Variants in TCERG1L observed in about 807,000 individuals in gnomAD.
The protein encoded by TCERG1L is transcription elongation regulator 1 like.
Under a neutral mutation model 56.3 loss-of-function variants are expected in TCERG1L, and 37 were observed. The observed-to-expected ratio is 0.66, with a 90% CI of 0.51 to 0.87. TCERG1L has a LOEUF of 0.87. Ranked by LOEUF, TCERG1L falls within the 40% of genes least tolerant of loss-of-function variation. The probability of loss-of-function intolerance (pLI) is 0.00; values close to 1 mark genes in which losing one functional copy is unlikely to be tolerated. For synonymous variants in TCERG1L, 324 were observed against 326.3 expected (o/e 0.99, Z 0.08); for missense variants, 799 against 774.2 (o/e 1.03, Z -0.38).
chr10:131,202,008 G>A (rs1427681614), intron 4 of TCERG1L, among the ~76,000 whole-genome samples: 3 of 152,190 alleles, frequency 2.0e-5, no homozygotes, highest in African/African-American at 4.8e-5. Context: ...ATGCGTTTCC[G>A]ATGACTGCTC....
chr10:131,219,289 CCT>C (rs1294149419), intron 4 of TCERG1L, among the ~76,000 whole-genome samples: 2 of 152,204 alleles, frequency 1.3e-5, no homozygotes, highest in Non-Finnish European at 2.9e-5. Flanking sequence ...GCCCCTGTCC[CCT>C]GTCCTTGAGC....
At chr10:131,252,270 T>C (rs1479752425) in intron 4 of TCERG1L, among the ~76,000 whole-genome samples, 3 of 152,140 alleles carry the variant, frequency 2.0e-5, no homozygotes, top group Non-Finnish European at 2.9e-5. Context: ...GTGAGTCACA[T>C]GGTAATACTA....
rs1024900981 is a variant in TCERG1L, at chr10:131,215,301, T to C, written c.856+44958A>G. On this transcript the variant is annotated intron_variant, in intron 4 of 11. Transcript: ENST00000368642. ...GAAACAAGCGGCTCATGAGAGAAGATAGTCCTTAAGTCTGAAGAAGAATTC... is the reference window on the plus strand; with the variant it reads ...GAAACAAGCGGCTCATGAGAGAAGACAGTCCTTAAGTCTGAAGAAGAATTC... 4.9e-4 allele frequency among the ~76,000 whole-genome samples: 75 copies of C among 152,332 alleles called. 2 individuals carry two copies. Among genetic ancestry groups the C allele is most frequent in the East Asian group, 3.9e-4 (2 of 5,192 alleles).
At position 131,138,236 on chromosome 10, in the gene TCERG1L, C is replaced by T. The variant is rs145339360; in HGVS notation, c.1190-3788G>A. On this transcript the variant is annotated intron_variant, in intron 7 of 11. Coordinates refer to ENST00000368642, the MANE Select transcript of TCERG1L (RefSeq NM_174937.4). ...TGAACTCTGTAGTCAGCCAAGATGGCGCCACTGCACTCCAGCCTGTGTGAC... is the reference window on the plus strand; with the variant it reads ...TGAACTCTGTAGTCAGCCAAGATGGTGCCACTGCACTCCAGCCTGTGTGAC... Among the ~76,000 whole-genome samples the T allele has an allele frequency of 3.2e-3, 494 of 152,170 alleles. 4 individuals are homozygous for T. Among genetic ancestry groups the T allele is most frequent in the African/African-American group, 0.011 (449 of 41,522 alleles).
At chr10:131,282,639 T>C (rs1846473371) in intron 3 of TCERG1L, among the ~76,000 whole-genome samples, 1 of 150,742 alleles carries the variant, frequency 6.6e-6, no homozygotes, top group Non-Finnish European at 1.5e-5. Context: ...TTCACACCTC[T>C]ATCCCCCCAG....
At chr10:131,182,663 A>G (rs1845193356) in intron 4 of TCERG1L, among the ~76,000 whole-genome samples, 1 of 152,176 alleles carries the variant, frequency 6.6e-6, no homozygotes, top group South Asian at 2.1e-4. Flanking sequence ...CTGCTTTAGC[A>G]TTTGCGGGCC....
At chr10:131,107,738 TAC>T (rs1486073056) in intron 9 of TCERG1L, among the ~76,000 whole-genome samples, 2 of 151,884 alleles carry the variant, frequency 1.3e-5, no homozygotes, top group African/African-American at 2.4e-5. Context: ...TGTGTGACTA[TAC>T]ACACACACAT....
At chr10:131,261,183 G>C (rs1846234638) in intron 3 of TCERG1L, among the ~76,000 whole-genome samples, 1 of 152,224 alleles carries the variant, frequency 6.6e-6, no homozygotes, top group Non-Finnish European at 1.5e-5. Flanking sequence ...CTGAAAGTTT[G>C]CTTCTTCCTC....
intron 3 of TCERG1L, among the ~76,000 whole-genome samples, chr10:131,263,634 TGATA>T (rs1434219060): frequency 6.6e-5 from 10 of 152,258 alleles, no homozygotes; most frequent in African/African-American, 2.2e-4. Context: ...GGTGCTGTTC[TGATA>T]GATAACGACG....
At chr10:131,163,751 G>A (rs1846002116) in intron 5 of TCERG1L, among the ~76,000 whole-genome samples, 1 of 152,150 alleles carries the variant, frequency 6.6e-6, no homozygotes, top group South Asian at 2.1e-4. Context: ...ATCCAGCTGG[G>A]GGCAGGGCTC....
chr10:131,190,618 C>T lies in TCERG1L; in HGVS notation c.857-23733G>A, dbSNP rs76307957. Among the ~76,000 whole-genome samples the T allele has an allele frequency of 4.8e-4, 69 of 143,768 alleles. 1 individual carries two copies. The East Asian group carries it at 0.011, about 23-fold the overall frequency. The allele number at this position is 143,768 out of a possible 152,430, so 94.3% of individuals were successfully genotyped here. A position where few individuals can be genotyped will look rare whatever the true frequency, so the allele number is the denominator to read the frequency against. ...AGGGAGGCAGGGTTGGTTTAACACA[C>T]GCAAGTCATTTCAATAGATGCAGAA... On this transcript the variant is annotated intron_variant, in intron 4 of 11. Coordinates refer to ENST00000368642, the MANE Select transcript of TCERG1L (RefSeq NM_174937.4).
At chr10:131,308,997 G>A (rs1206171935) in intron 2 of TCERG1L, among the ~76,000 whole-genome samples, 156 bp downstream of exon 2, 1 of 152,134 alleles carries the variant, frequency 6.6e-6, no homozygotes, top group Non-Finnish European at 1.5e-5. Context: ...TGATATTTTT[G>A]AACAAATCAA....
chr10:131,231,653 G>C (rs1445576203), intron 4 of TCERG1L, among the ~76,000 whole-genome samples: 1 of 152,216 alleles, frequency 6.6e-6, no homozygotes, highest in Non-Finnish European at 1.5e-5. Context: ...TTCTATGCCT[G>C]TGACCTTCCT....
chr10:131,272,148 C>T (rs563900232), intron 3 of TCERG1L, among the ~76,000 whole-genome samples: 1 of 152,190 alleles, frequency 6.6e-6, no homozygotes, highest in Non-Finnish European at 1.5e-5. Context: ...GTCCTTCCCT[C>T]CGTGTCCTCT....
At chr10:131,248,218 A>T (rs1396646054) in intron 4 of TCERG1L, among the ~76,000 whole-genome samples, 1 of 146,490 alleles carries the variant, frequency 6.8e-6, no homozygotes, top group Non-Finnish European at 1.5e-5. Flanking sequence ...CAACTCTCTC[A>T]CACACAACTC....
intron 4 of TCERG1L, among the ~76,000 whole-genome samples, chr10:131,175,332 C>A (rs960248595): frequency 6.6e-6 from 1 of 152,198 alleles, no homozygotes; most frequent in Non-Finnish European, 1.5e-5. Context: ...TCACCCGGTG[C>A]GGCACGCTTG....
intron 9 of TCERG1L, among the ~76,000 whole-genome samples, chr10:131,108,610 A>G (rs1457263904): frequency 6.6e-6 from 1 of 152,130 alleles, no homozygotes; most frequent in African/African-American, 2.4e-5. Flanking sequence ...CTTAGTTTCT[A>G]TCGCTGCATA....
intron 9 of TCERG1L, among the ~76,000 whole-genome samples, chr10:131,105,601 G>A (rs1057106889): frequency 6.6e-6 from 1 of 152,036 alleles, no homozygotes; most frequent in African/African-American, 2.4e-5. Context: ...ACTCGTTCAT[G>A]CCTCCATGTT....
chr10:131,230,174 G>A (rs986192953), intron 4 of TCERG1L, among the ~76,000 whole-genome samples: 3 of 152,332 alleles, frequency 2.0e-5, no homozygotes, highest in Admixed American at 6.5e-5. Context: ...AGAGGGGGCA[G>A]AGACGTCCCC....
Sources: allele counts gnomAD v4.1 joint callset (sites outside exome capture counted in the v4.1 genomes callset), GRCh38; gene constraint gnomAD v4.1.1; transcripts MANE v1.5; gene names NCBI Gene and HGNC (gene_info 2026-07-23, HGNC 2026-07-21).